RABGAP1L: variants seen among roughly 807,000 people sequenced by gnomAD.
RABGAP1L encodes rab GTPase-activating protein 1-like.
In RABGAP1L, 63 loss-of-function variants were observed where a neutral mutation model predicts 137.7. The ratio of observed to expected loss-of-function variants is 0.46; its 90% CI spans 0.37 to 0.56. The LOEUF (loss-of-function observed/expected upper bound fraction) is 0.56. Among genes scored for constraint, RABGAP1L ranks in the 20% least tolerant of loss-of-function variants. The probability of loss-of-function intolerance (pLI) is 0.00; values close to 1 mark genes in which losing one functional copy is unlikely to be tolerated. For synonymous variants in RABGAP1L, 431 were observed against 433.7 expected, an observed-to-expected ratio of 0.99 and a Z score of 0.08; for missense variants, 1,095 against 1,244.0, an observed-to-expected ratio of 0.88 and a Z score of 1.80.
intron 19 of RABGAP1L, chr1:174,892,312 T>C (rs1656311834): frequency 3.0e-6 from 1 of 331,176 alleles, no homozygotes; most frequent in Non-Finnish European, 5.8e-6. Context: ...CACTTGCTAT[T>C]TCAGCCATTG....
intron 19 of RABGAP1L, among the ~76,000 whole-genome samples, chr1:174,871,144 T>G (rs1652124460): frequency 6.6e-6 from 1 of 151,338 alleles, no homozygotes; most frequent in Non-Finnish European, 1.5e-5. Flanking sequence ...TAGTAAATGT[T>G]GAGTTTTTTG....
At chr1:174,168,867 ATATT>A (rs1342240969) in intron 1 of RABGAP1L, among the ~76,000 whole-genome samples, 4 of 152,222 alleles carry the variant, frequency 2.6e-5, no homozygotes, top group Non-Finnish European at 4.4e-5. Context: ...AGTTAAAAAA[ATATT>A]TATGGGGTAC....
intron 17 of RABGAP1L, among the ~76,000 whole-genome samples, chr1:174,742,385 C>T (rs769509336): frequency 6.6e-6 from 1 of 152,016 alleles, no homozygotes; most frequent in Non-Finnish European, 1.5e-5. Context: ...AGTGTAGTGG[C>T]GCACACCTGT....
At chr1:174,784,678 C>T (rs61828086) in intron 18 of RABGAP1L, among the ~76,000 whole-genome samples, 6,394 of 152,266 alleles carry the variant, frequency 0.042, 211 homozygotes, top group Non-Finnish European at 0.069. Flanking sequence ...CAAGAATAGA[C>T]CAAACTGCAG....
chr1:174,795,605 A>G (rs1414499833), intron 18 of RABGAP1L, among the ~76,000 whole-genome samples: 1 of 152,118 alleles, frequency 6.6e-6, no homozygotes, highest in African/African-American at 2.4e-5. Context: ...TCACTTTCTC[A>G]CCAAGGCTGG....
intron 21 of RABGAP1L, among the ~76,000 whole-genome samples, chr1:174,974,864 A>G (rs1670511708): frequency 6.6e-6 from 1 of 152,236 alleles, no homozygotes; most frequent in Non-Finnish European, 1.5e-5. Context: ...AGTCCTCAGC[A>G]GACTGGGCTG....
intron 1 of RABGAP1L, among the ~76,000 whole-genome samples, chr1:174,182,391 C>A (rs1350845722): frequency 6.6e-6 from 1 of 152,138 alleles, no homozygotes; most frequent in Non-Finnish European, 1.5e-5. Flanking sequence ...CGAAATGGTT[C>A]TTGTCTCTCC....
chr1:174,597,765 A>G (rs898168861), intron 13 of RABGAP1L, among the ~76,000 whole-genome samples: 1 of 152,076 alleles, frequency 6.6e-6, no homozygotes, highest in African/African-American at 2.4e-5. Flanking sequence ...TCTTTGTTCT[A>G]CATTTTAATG....
intron 13 of RABGAP1L, among the ~76,000 whole-genome samples, chr1:174,453,677 T>C (rs1655702101): frequency 6.6e-6 from 1 of 152,130 alleles, no homozygotes; most frequent in Non-Finnish European, 1.5e-5. Flanking sequence ...TTGAGTGATA[T>C]GTAGAAAGTG....
intron 4 of RABGAP1L, among the ~76,000 whole-genome samples, chr1:174,231,583 T>TA (rs1298278643): frequency 1.3e-5 from 2 of 152,150 alleles, no homozygotes; most frequent in African/African-American, 2.4e-5. Flanking sequence ...GGATAATTGA[T>TA]AAAGAGAAGA....
intron 14 of RABGAP1L, among the ~76,000 whole-genome samples, chr1:174,660,729 C>T (rs1243773883): frequency 6.6e-6 from 1 of 152,206 alleles, no homozygotes; most frequent in Non-Finnish European, 1.5e-5. Context: ...GAACACTTAT[C>T]CAAGAAATCT....
intron 1 of RABGAP1L, among the ~76,000 whole-genome samples, chr1:174,168,845 T>TA (rs1665121131): frequency 6.6e-6 from 1 of 152,204 alleles, no homozygotes; most frequent in Admixed American, 6.5e-5. Flanking sequence ...CTCTTAAGTT[T>TA]AAAAAATTAA....
intron 13 of RABGAP1L, among the ~76,000 whole-genome samples, chr1:174,604,020 G>A (rs559893166): frequency 3.7e-4 from 56 of 152,016 alleles, no homozygotes; most frequent in African/African-American, 1.2e-3. Flanking sequence ...TGTTGGCGAA[G>A]AGCTGACACA....
rs534576486 is a variant in RABGAP1L, at chr1:174,784,048, T to C, written c.2212-27784T>C. Among the ~76,000 whole-genome samples, 167 of 122,206 alleles carry C rather than the reference T, an allele frequency of 1.4e-3. 2 individuals carry two copies. The highest frequency in any genetic ancestry group is 1.8e-3 in the Non-Finnish European group (109 of 61,292). 80.2% of individuals were successfully genotyped at this position (122,206 alleles called of 152,430 possible). A position where few individuals can be genotyped will look rare whatever the true frequency, so the allele number is the denominator to read the frequency against. ...TTTTTTTTTTTTTTTTGAGACAGAGTCTGGCTTGTCACCCAGGCTGGAGTG... is the reference window on the plus strand; with the variant it reads ...TTTTTTTTTTTTTTTTGAGACAGAGCCTGGCTTGTCACCCAGGCTGGAGTG... On this transcript the variant is annotated intron_variant, in intron 18 of 25. Coordinates refer to ENST00000681986, the MANE Select transcript of RABGAP1L (RefSeq NM_001366446.1).
intron 1 of RABGAP1L, among the ~76,000 whole-genome samples, chr1:174,175,748 C>T (rs1377071315): frequency 6.6e-6 from 1 of 151,744 alleles, no homozygotes; most frequent in African/African-American, 2.4e-5. Context: ...GCCTCAGCCT[C>T]CTGAGTAGCT....
intron 11 of RABGAP1L, among the ~76,000 whole-genome samples, chr1:174,314,119 A>G (rs1679135146): frequency 6.6e-6 from 1 of 152,120 alleles, no homozygotes; most frequent in African/African-American, 2.4e-5. Context: ...ATAGAATTCA[A>G]CAGTGAAGTC....
intron 15 of RABGAP1L, among the ~76,000 whole-genome samples, chr1:174,697,049 A>G (rs1679309646): frequency 6.6e-6 from 1 of 152,132 alleles, no homozygotes; most frequent in Non-Finnish European, 1.5e-5. Flanking sequence ...ACTCAAGTAG[A>G]GTTGCCTGTT....
chr1:174,184,680 A>G (rs892199868), intron 1 of RABGAP1L, among the ~76,000 whole-genome samples: 2 of 152,202 alleles, frequency 1.3e-5, no homozygotes, highest in Non-Finnish European at 2.9e-5. Context: ...GGCTTTGCAG[A>G]TTAATATTTG....
intron 13 of RABGAP1L, among the ~76,000 whole-genome samples, chr1:174,411,553 G>T (rs1019586409): frequency 2.0e-5 from 3 of 151,564 alleles, no homozygotes; most frequent in Admixed American, 6.6e-5. Flanking sequence ...TTAAATTTTT[G>T]ATACACTGTT....
Sources: allele counts gnomAD v4.1 joint callset (sites outside exome capture counted in the v4.1 genomes callset), GRCh38; gene constraint gnomAD v4.1.1; transcripts MANE v1.5; gene names NCBI Gene and HGNC (gene_info 2026-07-23, HGNC 2026-07-21).